STXBP5L: variants seen among roughly 807,000 people sequenced by gnomAD.
STXBP5L encodes syntaxin-binding protein 5-like.
STXBP5L carries 65 observed loss-of-function variants against 144.5 expected under a neutral mutation model. The observed-to-expected ratio is 0.45, with a 90% CI of 0.37 to 0.55. The LOEUF is 0.55. Ranked by LOEUF, STXBP5L falls within the 20% of genes least tolerant of loss-of-function variation. The pLI, the probability that STXBP5L is intolerant of heterozygous loss-of-function variation, is 0.00. For missense variants in STXBP5L, 1,298 were observed against 1,405.5 expected (o/e 0.92, Z 1.22); for synonymous variants, 505 against 469.6 (o/e 1.08, Z -0.97).
At chr3:120,979,257 G>T (rs959786319) in intron 3 of STXBP5L, among the ~76,000 whole-genome samples, 3 of 152,186 alleles carry the variant, frequency 2.0e-5, no homozygotes, top group African/African-American at 4.8e-5. Context: ...AATGGCAGGT[G>T]CCCCTCCCCC....
At chr3:120,976,882 TA>T (rs1394303974) in intron 3 of STXBP5L, among the ~76,000 whole-genome samples, 1 of 152,086 alleles carries the variant, frequency 6.6e-6, no homozygotes, top group African/African-American at 2.4e-5. Context: ...CCCTGAGTTT[TA>T]GTTTGATTGC....
intron 3 of STXBP5L, among the ~76,000 whole-genome samples, chr3:121,015,305 G>C (rs923582761): frequency 6.6e-6 from 1 of 152,156 alleles, no homozygotes; most frequent in Non-Finnish European, 1.5e-5. Context: ...CATGCAAAGA[G>C]CTTGGAAGTT....
Position 121,313,080 on chromosome 3 carries a change from G to A in STXBP5L, c.2111-5395G>A, listed in dbSNP as rs1288684597. On this transcript the variant is annotated intron_variant, in intron 19 of 26. Coordinates refer to ENST00000471454, the MANE Select transcript of STXBP5L (RefSeq NM_001308330.2). ...CACCTCCCGGATGGGGCGGCTGGCCGGGCGGGGGGCTGACCCCCCCACCAC... is the reference window on the plus strand; with the variant it reads ...CACCTCCCGGATGGGGCGGCTGGCCAGGCGGGGGGCTGACCCCCCCACCAC... 1.9e-3 allele frequency among the ~76,000 whole-genome samples: 283 copies of A among 147,814 alleles called. 4 individuals carry two copies. Among genetic ancestry groups the A allele is most frequent in the African/African-American group, 4.8e-3 (191 of 40,062 alleles).
At position 120,978,120 on chromosome 3, in the gene STXBP5L, G is replaced by T. The variant is rs574991138; in HGVS notation, c.287+23083G>T. ...TTGCTAGATTGGGGAAATTCTCCTGGATAATATCCTGCAGAGTGTTTTCCA... is the reference window on the plus strand; with the variant it reads ...TTGCTAGATTGGGGAAATTCTCCTGTATAATATCCTGCAGAGTGTTTTCCA... On this transcript the variant is annotated intron_variant, in intron 3 of 26. Coordinates refer to ENST00000471454, the MANE Select transcript of STXBP5L (RefSeq NM_001308330.2). Among the ~76,000 whole-genome samples, 15 of 152,274 alleles carry T rather than the reference G, an allele frequency of 9.9e-5. No individual in the cohort carries two copies. In the South Asian group the frequency reaches 2.9e-3, roughly 30 times the overall value.
chr3:121,105,698 A>C (rs140633402), intron 5 of STXBP5L, among the ~76,000 whole-genome samples: 1 of 152,244 alleles, frequency 6.6e-6, no homozygotes, highest in African/African-American at 2.4e-5. Context: ...ATAGATAAAT[A>C]TAGTGAAAAG....
At chr3:121,168,838 G>A (rs147949653) in intron 9 of STXBP5L, among the ~76,000 whole-genome samples, 15,091 of 151,966 alleles carry the variant, frequency 0.099, 1,187 homozygotes, top group Admixed American at 0.2. Flanking sequence ...GAAATACAGC[G>A]AACACCACAA....
chr3:121,172,742 A>G (rs1318905436), intron 9 of STXBP5L, among the ~76,000 whole-genome samples: 3 of 152,222 alleles, frequency 2.0e-5, no homozygotes, highest in Non-Finnish European at 4.4e-5. Context: ...GGGAGTGTAA[A>G]TTAGTTCAGC....
intron 3 of STXBP5L, among the ~76,000 whole-genome samples, chr3:121,038,417 T>A (rs1946908677): frequency 6.6e-6 from 1 of 152,034 alleles, no homozygotes; most frequent in African/African-American, 2.4e-5. Context: ...TGGAGGGTTT[T>A]CTGGATGTTA....
intron 5 of STXBP5L, among the ~76,000 whole-genome samples, chr3:121,095,177 C>G (rs1002766254): frequency 6.6e-6 from 1 of 152,110 alleles, no homozygotes; most frequent in Non-Finnish European, 1.5e-5. Flanking sequence ...GACGAGCTTC[C>G]CTTTGTGGGT....
At chr3:121,245,145 A>G (rs2049803818) in intron 14 of STXBP5L, among the ~76,000 whole-genome samples, 2 of 152,150 alleles carry the variant, frequency 1.3e-5, no homozygotes, top group African/African-American at 4.8e-5. Context: ...CAAAATATAA[A>G]AATATGTAAT....
At chr3:120,975,705 T>A (rs568431735) in intron 3 of STXBP5L, among the ~76,000 whole-genome samples, 4 of 152,322 alleles carry the variant, frequency 2.6e-5, no homozygotes, top group Admixed American at 6.5e-5. Context: ...CTTATTATTT[T>A]GAGATACGTC....
intron 3 of STXBP5L, among the ~76,000 whole-genome samples, chr3:120,974,666 A>T (rs919856535): frequency 2.6e-5 from 4 of 152,100 alleles, no homozygotes; most frequent in Non-Finnish European, 1.5e-5. Context: ...TAGGGTTTTT[A>T]TGGTTTTAGG....
At position 120,993,220 on chromosome 3, in the gene STXBP5L, A is replaced by T. The variant is rs557568949; in HGVS notation, c.287+38183A>T. Among the ~76,000 whole-genome samples the T allele has an allele frequency of 3.9e-5, 6 of 152,182 alleles. No homozygotes were observed. The East Asian group carries it at 9.6e-4, about 24-fold the overall frequency. ...ATACTCTGGATATTAGTCCTTTGTTAGATGGATAGTTTGCAAATATGTTCT... is the reference window on the plus strand; with the variant it reads ...ATACTCTGGATATTAGTCCTTTGTTTGATGGATAGTTTGCAAATATGTTCT... On this transcript the variant is annotated intron_variant, in intron 3 of 26. Coordinates refer to ENST00000471454, the MANE Select transcript of STXBP5L (RefSeq NM_001308330.2).
intron 2 of STXBP5L, among the ~76,000 whole-genome samples, chr3:120,927,695 T>C (rs1392849453): frequency 6.6e-6 from 1 of 152,164 alleles, no homozygotes; most frequent in East Asian, 1.9e-4. Context: ...TTCACTTCCC[T>C]GTGACCCTAG....
intron 10 of STXBP5L, among the ~76,000 whole-genome samples, chr3:121,219,271 G>T (rs2048899952): frequency 6.6e-6 from 1 of 152,024 alleles, no homozygotes; most frequent in African/African-American, 2.4e-5. Flanking sequence ...TTAGGAAGTG[G>T]AATTATATAG....
chr3:121,319,962 A>G (rs1010948670), intron 20 of STXBP5L, among the ~76,000 whole-genome samples: 4 of 152,126 alleles, frequency 2.6e-5, no homozygotes, highest in Non-Finnish European at 5.9e-5. Flanking sequence ...ATTAAAGATG[A>G]TAATAATAAT....
At chr3:121,346,459 A>T (rs1035895714) in intron 20 of STXBP5L, among the ~76,000 whole-genome samples, 7 of 152,136 alleles carry the variant, frequency 4.6e-5, no homozygotes, top group Middle Eastern at 3.2e-3. Flanking sequence ...TCCTTTGGGT[A>T]TATACCCAGT....
chr3:120,976,253 T>G (rs1307311541), intron 3 of STXBP5L, among the ~76,000 whole-genome samples: 1 of 152,236 alleles, frequency 6.6e-6, no homozygotes, highest in African/African-American at 2.4e-5. Context: ...AGATTCAACT[T>G]CTTCCTGGTT....
At chr3:121,022,811 G>A (rs1481186659) in intron 3 of STXBP5L, among the ~76,000 whole-genome samples, 1 of 152,090 alleles carries the variant, frequency 6.6e-6, no homozygotes, top group Non-Finnish European at 1.5e-5. Context: ...ACTGAATGGG[G>A]AAAAGTTGAA....
Sources: allele counts gnomAD v4.1 joint callset (sites outside exome capture counted in the v4.1 genomes callset), GRCh38; gene constraint gnomAD v4.1.1; transcripts MANE v1.5; gene names NCBI Gene and HGNC (gene_info 2026-07-23, HGNC 2026-07-21).